The following CDH18 variants were observed in gnomAD, a reference collection of about 807,000 sequenced individuals.
The protein encoded by CDH18 is cadherin-18.
Under a neutral mutation model 67.9 loss-of-function variants are expected in CDH18, and 31 were observed. The ratio of observed to expected loss-of-function variants is 0.46; its 90% CI spans 0.34 to 0.62. The LOEUF is 0.62. CDH18 is among the 20% of genes least tolerant of loss of function. The pLI, the probability that CDH18 is intolerant of heterozygous loss-of-function variation, is 0.01. For synonymous variants in CDH18, 362 were observed against 347.2 expected (o/e 1.04, Z -0.48); for missense variants, 890 against 975.5 (o/e 0.91, Z 1.17).
At chr5:20,320,250 T>C (rs532055115) in intron 1 of CDH18, among the ~76,000 whole-genome samples, 9 of 152,298 alleles carry the variant, frequency 5.9e-5, no homozygotes, top group African/African-American at 1.7e-4. Flanking sequence ...ACAAAGACTT[T>C]AAAATTCTCT....
At chr5:20,292,745 G>C (rs1219952380) in intron 1 of CDH18, among the ~76,000 whole-genome samples, 1 of 151,980 alleles carries the variant, frequency 6.6e-6, no homozygotes, top group Admixed American at 6.6e-5. Context: ...GCGTCACTCT[G>C]TTCTCTGCCT....
chr5:19,846,885 T>C (rs1453317499), intron 2 of CDH18, among the ~76,000 whole-genome samples: 1 of 151,730 alleles, frequency 6.6e-6, no homozygotes, highest in Non-Finnish European at 1.5e-5. Flanking sequence ...TCAGACTTGC[T>C]GGATATAATA....
At chr5:20,162,818 G>A (rs551717527) in intron 2 of CDH18, among the ~76,000 whole-genome samples, 177 of 151,954 alleles carry the variant, frequency 1.2e-3, no homozygotes, top group Middle Eastern at 3.4e-3. Flanking sequence ...CAGAACTTTG[G>A]GAGGCCAAGG....
chr5:20,518,686 A>G lies in CDH18; in HGVS notation c.-580+56776T>C, dbSNP rs192190173. On this transcript the variant is annotated intron_variant, in intron 1 of 14. Coordinates refer to the CDH18 transcript ENST00000507958. ...CTATTAAGGAGCCATGTGGGCCTGAAGGTGAACCATGCCACTCATGTAATG... is the reference window on the plus strand; with the variant it reads ...CTATTAAGGAGCCATGTGGGCCTGAGGGTGAACCATGCCACTCATGTAATG... Among the ~76,000 whole-genome samples, 6 of 152,278 alleles carry G rather than the reference A, an allele frequency of 3.9e-5. No individual in the cohort carries two copies. In the East Asian group the frequency reaches 1.2e-3, roughly 29 times the overall value.
upstream of CDH18, among the ~76,000 whole-genome samples, chr5:19,988,657 A>C (rs957316553): frequency 6.6e-6 from 1 of 151,954 alleles, no homozygotes; most frequent in Non-Finnish European, 1.5e-5. Context: ...GGGAGTAGCC[A>C]CCGGGAGGGA....
At chr5:19,852,410 A>G (rs1268864880) in intron 2 of CDH18, among the ~76,000 whole-genome samples, 1 of 152,014 alleles carries the variant, frequency 6.6e-6, no homozygotes, top group Non-Finnish European at 1.5e-5. Context: ...TCATCAGTAA[A>G]CAGTAACCGT....
chr5:20,352,668 G>T (rs1452632675), intron 1 of CDH18, among the ~76,000 whole-genome samples: 1 of 150,988 alleles, frequency 6.6e-6, no homozygotes, highest in African/African-American at 2.4e-5. Flanking sequence ...GGTGGCTGGC[G>T]CCTGTATCCC....
chr5:19,579,837 T>C (rs1742938643), intron 7 of CDH18, among the ~76,000 whole-genome samples: 1 of 151,812 alleles, frequency 6.6e-6, no homozygotes, highest in Non-Finnish European at 1.5e-5. Context: ...CATTACCCAT[T>C]AGTACCCACA....
chr5:19,733,509 T>G (rs1767891894), intron 4 of CDH18, among the ~76,000 whole-genome samples: 1 of 152,172 alleles, frequency 6.6e-6, no homozygotes, highest in African/African-American at 2.4e-5. Flanking sequence ...TAAAATTCTC[T>G]GCCTTCACTA....
intron 3 of CDH18, among the ~76,000 whole-genome samples, chr5:19,761,585 T>A (rs1299387111): frequency 6.6e-6 from 1 of 151,618 alleles, no homozygotes; most frequent in African/African-American, 2.4e-5. Flanking sequence ...CCCAACAAAA[T>A]AAAAGAGGAC....
chr5:20,173,000 A>G (rs951805431), intron 2 of CDH18, among the ~76,000 whole-genome samples: 22 of 151,480 alleles, frequency 1.5e-4, no homozygotes, highest in African/African-American at 1.5e-4. Flanking sequence ...CAAAAAAAAA[A>G]AAAGAAAGAA....
intron 1 of CDH18, among the ~76,000 whole-genome samples, chr5:20,360,266 T>G (rs994765484): frequency 6.6e-6 from 1 of 152,070 alleles, no homozygotes; most frequent in Admixed American, 6.6e-5. Context: ...GATAAAGGAC[T>G]TTTGTAGCTA....
intron 1 of CDH18, among the ~76,000 whole-genome samples, chr5:20,436,104 C>G (rs1337556471): frequency 1.3e-5 from 2 of 151,914 alleles, no homozygotes; most frequent in Admixed American, 1.3e-4. Context: ...AATCACCTTT[C>G]CCTGTCTCTG....
intron 1 of CDH18, among the ~76,000 whole-genome samples, chr5:20,303,559 C>T (rs1249867885): frequency 6.6e-6 from 1 of 152,174 alleles, no homozygotes; most frequent in Non-Finnish European, 1.5e-5. Context: ...ATGCCTGTCA[C>T]AGCGTCGCAG....
intron 5 of CDH18, among the ~76,000 whole-genome samples, chr5:19,623,981 CCAT>C (rs1383751236): frequency 9.2e-6 from 1 of 109,104 alleles, no homozygotes; most frequent in Non-Finnish European, 1.9e-5. Flanking sequence ...ATGTCACACT[CCAT>C]TATTATTATT....
intron 1 of CDH18, among the ~76,000 whole-genome samples, chr5:20,473,291 G>A (rs2150243201): frequency 6.6e-6 from 1 of 152,160 alleles, no homozygotes; most frequent in East Asian, 1.9e-4. Context: ...AACTCAAACT[G>A]TTAACATTTC....
At chr5:19,740,658 C>G (rs539975360) in intron 4 of CDH18, among the ~76,000 whole-genome samples, 1 of 152,206 alleles carries the variant, frequency 6.6e-6, no homozygotes, top group South Asian at 2.1e-4. Context: ...AAGTGTAATA[C>G]CATTTACAAA....
intron 1 of CDH18, among the ~76,000 whole-genome samples, chr5:20,299,430 AC>A (rs1230817983): frequency 1.1e-4 from 16 of 151,616 alleles, no homozygotes; most frequent in Admixed American, 4.0e-4. Context: ...ACACACACAC[AC>A]ACACACACAC....
At chr5:19,602,701 T>C (rs1254037865) in intron 6 of CDH18, among the ~76,000 whole-genome samples, 1 of 152,040 alleles carries the variant, frequency 6.6e-6, no homozygotes, top group Non-Finnish European at 1.5e-5. Flanking sequence ...TGGTGGCTCA[T>C]GCCTGTAATC....
Sources: allele counts gnomAD v4.1 joint callset (sites outside exome capture counted in the v4.1 genomes callset), GRCh38; gene constraint gnomAD v4.1.1; transcripts MANE v1.5; gene names NCBI Gene and HGNC (gene_info 2026-07-23, HGNC 2026-07-21).